GPATCH1: variants seen among roughly 807,000 people sequenced by gnomAD.
GPATCH1 encodes the protein G-patch domain containing 1.
Under a neutral mutation model 114.9 loss-of-function variants are expected in GPATCH1, and 73 were observed. That is an observed-to-expected ratio of 0.64 (90% CI 0.53 to 0.77). The LOEUF (loss-of-function observed/expected upper bound fraction) is 0.77. GPATCH1 is among the 30% of genes least tolerant of loss of function. The probability of loss-of-function intolerance (pLI) is 0.00; values close to 1 mark genes in which losing one functional copy is unlikely to be tolerated. For missense variants in GPATCH1, 1,058 were observed against 1,144.3 expected, an observed-to-expected ratio of 0.92 and a Z score of 1.09; for synonymous variants, 391 against 428.4, an observed-to-expected ratio of 0.91 and a Z score of 1.08.
chr19:33,088,159 T>G lies in GPATCH1; in HGVS notation c.99T>G (p.Pro33=). Residue 33 remains proline (P), a synonymous_variant, in exon 2 of 20, where the codon CCT becomes CCG. Transcript: ENST00000170564. ...GTGAAAGACCAAAGAAACCAATCCCTCTTCAGGATCAGACTGTCAGAGATG... is the reference window on the plus strand; with the variant it reads ...GTGAAAGACCAAAGAAACCAATCCCGCTTCAGGATCAGACTGTCAGAGATG... ...EEGERPKKPI[P]LQDQTVRDEK... 2 of 1,443,004 alleles carry G rather than the reference T, an allele frequency of 1.4e-6. No homozygotes were observed. Among genetic ancestry groups the G allele is most frequent in the South Asian group, 1.2e-5 (1 of 81,236 alleles). 89.4% of individuals were successfully genotyped at this position (1,443,004 alleles called of 1,614,324 possible).
Position 33,081,237 on chromosome 19 carries a change from A to G in GPATCH1, c.44A>G (p.Tyr15Cys), listed in dbSNP as rs756890087. 3.2e-6 allele frequency: 5 copies of G among 1,551,720 alleles called. No homozygotes were observed. The highest frequency in any genetic ancestry group is 4.4e-6 in the Non-Finnish European group (5 of 1,147,034). The change falls in exon 1 of 20, where the codon TAT (tyrosine) becomes TGT (cysteine). Residue 15 changes from tyrosine (Y) to cysteine (C), a missense_variant. Coordinates refer to ENST00000170564, the MANE Select transcript of GPATCH1 (RefSeq NM_018025.3). The part of the protein sequence containing the change: ...DSDSEEDLVS[Y>C]GTGLEPLEEG... ...GACAGCGAAGAAGATCTGGTCAGCT[A>G]TGGGACCGGGCTGGAGCCTCTGGAA...
At chr19:33,098,280 GCCAGGGGA>G (rs1972686766) in intron 8 of GPATCH1, among the ~76,000 whole-genome samples, 1 of 152,234 alleles carries the variant, frequency 6.6e-6, no homozygotes, top group South Asian at 2.1e-4. Context: ...AGAAGGTCAA[GCCAGGGGA>G]CCAGGAGGCA....
rs79228698 is a variant in GPATCH1, at chr19:33,125,921, T to C, written c.2620-667T>C. Among the ~76,000 whole-genome samples, 789 of 152,318 alleles carry C rather than the reference T, an allele frequency of 5.2e-3. 6 individuals are homozygous for C. Among genetic ancestry groups the C allele is most frequent in the African/African-American group, 0.018 (756 of 41,576 alleles). ...CAGGCATGTGCTCCCACTGTTGACG[T>C]CTCTTATTTCATCAACCATGTCTTC... On this transcript the variant is annotated intron_variant, in intron 18 of 19. Transcript: ENST00000170564.
chr19:33,125,734 T>TA (rs1413235082), intron 18 of GPATCH1, among the ~76,000 whole-genome samples: 1 of 152,182 alleles, frequency 6.6e-6, no homozygotes, highest in African/African-American at 2.4e-5. Context: ...TTAGGGATCT[T>TA]AGAGCAATGG....
chr19:33,105,949 G>A (rs182380808), intron 9 of GPATCH1, among the ~76,000 whole-genome samples: 1 of 151,866 alleles, frequency 6.6e-6, no homozygotes, highest in African/African-American at 2.4e-5. Flanking sequence ...CCGGGTTTAC[G>A]CGACTCTCCT....
chr19:33,100,142 T>C (rs1972709194), intron 8 of GPATCH1: 1 of 152,164 alleles, frequency 6.6e-6, no homozygotes, highest in Admixed American at 6.6e-5. Flanking sequence ...TTTCTGATTC[T>C]GTCTTTATGT....
In GPATCH1 at chr19:33,129,434, A is replaced by G. The variant is rs527330947; in HGVS notation, c.2766-696A>G. ...TAAAAAAATTAAAAAAAAAAAAAAG[A>G]CAACTTGGATGCTTTGGGCCCTGGA... On this transcript the variant is annotated intron_variant, in intron 19 of 19. Transcript: ENST00000170564. Among the ~76,000 whole-genome samples, 713 of 151,130 alleles carry G rather than the reference A, an allele frequency of 4.7e-3. 3 individuals carry two copies. Among genetic ancestry groups the G allele is most frequent in the African/African-American group, 0.016 (674 of 41,072 alleles).
chr19:33,082,942 T>G (rs1489750574), intron 1 of GPATCH1, among the ~76,000 whole-genome samples: 2 of 151,550 alleles, frequency 1.3e-5, no homozygotes, highest in African/African-American at 4.8e-5. Flanking sequence ...TTTTTTATTT[T>G]AAAAATAGAG....
chr19:33,126,955 AAAACAAAC>A (rs141950830), intron 19 of GPATCH1, among the ~76,000 whole-genome samples: 16 of 151,394 alleles, frequency 1.1e-4, no homozygotes, highest in Admixed American at 2.0e-4. Context: ...CAGCTCTACA[AAAACAAAC>A]AAACAAACAA....
At chr19:33,082,101 GATGAT>G in intron 1 of GPATCH1, among the ~76,000 whole-genome samples, 1 of 118,214 alleles carries the variant, frequency 8.5e-6, no homozygotes, top group Non-Finnish European at 1.8e-5. Context: ...GAGGTCAGGA[GATGAT>G]GGTGGCATGG....
chr19:33,124,235 C>G (rs1039258404), intron 17 of GPATCH1, among the ~76,000 whole-genome samples: 1 of 151,942 alleles, frequency 6.6e-6, no homozygotes, highest in Non-Finnish European at 1.5e-5. Flanking sequence ...ATTTAGTTAC[C>G]CAGAAATTAA....
chr19:33,120,207 T>C (rs1372325528), intron 17 of GPATCH1, among the ~76,000 whole-genome samples: 1 of 141,622 alleles, frequency 7.1e-6, no homozygotes, highest in African/African-American at 2.6e-5. Context: ...AATATATTCA[T>C]ATAAATATAT....
Position 33,114,239 on chromosome 19 carries a change from G to A in GPATCH1, c.2030-14G>A. 1 of 1,603,160 alleles carries A rather than the reference G, an allele frequency of 6.2e-7. No homozygotes were observed. Among genetic ancestry groups the A allele is most frequent in the Non-Finnish European group, 8.5e-7 (1 of 1,173,802 alleles). ...TGCTAATGCTGGAGTTTATATCTAT[G>A]TCCTGCCTTTCAGAATCAAGAAAAC... On this transcript the variant is annotated splice_polypyrimidine_tract_variant and intron_variant, in intron 14 of 19. Transcript: ENST00000170564.
rs780517659 is a variant in GPATCH1 at position 33,130,142 on chromosome 19, T to C, written c.2778T>C (p.Leu926=). The C allele has an allele frequency of 6.1e-5, 98 of 1,611,512 alleles. No homozygotes were observed. In the Middle Eastern group the frequency reaches 6.6e-4, roughly 11 times the overall value. Residue 926 remains leucine, a synonymous_variant, in exon 20 of 20, where the codon CTT becomes CTC. Transcript: ENST00000170564. ...TTTTCTTTTCCAGGCTGAAAAGTCT[T>C]CCACTAAGAAGGCAGTAATTGAATG... The part of the protein sequence containing the change: ...PQELLRRLKS[L]PLRRQ
In GPATCH1 at chr19:33,111,704, CTTG is replaced by C; in HGVS notation, c.1586-17_1586-15del. 6.2e-7 allele frequency: 1 copy of C among 1,611,642 alleles called. No individual in the cohort carries two copies. The highest frequency in any genetic ancestry group is 2.2e-5 in the East Asian group (1 of 44,844). On this transcript the variant is annotated splice_polypyrimidine_tract_variant and intron_variant, in intron 11 of 19. Transcript: ENST00000170564. ...GTTTTCCTGAAAAGTGAAGCTGCTT[CTTG>C]TTCTCTGCCCCCGCAGATGCTCTGG...
At chr19:33,130,058 G>A in intron 19 of GPATCH1, 72 bp from the exon 20 acceptor site, 2 of 1,145,346 alleles carry the variant, frequency 1.7e-6, no homozygotes, top group Non-Finnish European at 2.6e-6. Flanking sequence ...GGCATTCTCA[G>A]CCTCCACGGA....
Position 33,113,909 on chromosome 19 carries a change from TA to T in GPATCH1, c.2029+7del. The T allele has an allele frequency of 6.2e-7, 1 of 1,613,550 alleles. No individual in the cohort carries two copies. The highest frequency in any genetic ancestry group is 8.5e-7 in the Non-Finnish European group (1 of 1,179,664). ...ACAGCACCGAGGTCCCGACAGTGAG[TA>T]GGGCGTCCCCGGGGTCTCTGATTGA... is the stretch of plus-strand genomic sequence containing the variant. On this transcript the variant is annotated splice_region_variant and intron_variant, in intron 14 of 19. Coordinates refer to ENST00000170564, the MANE Select transcript of GPATCH1 (RefSeq NM_018025.3).
intron 19 of GPATCH1, 56 bp from the exon 20 acceptor site, chr19:33,130,074 T>C: frequency 1.5e-6 from 2 of 1,357,918 alleles, no homozygotes; most frequent in South Asian, 2.4e-5. Flanking sequence ...ACGGAGCTGT[T>C]TGGTTTTTCA....
chr19:33,125,266 G>T lies in GPATCH1; in HGVS notation c.2619+64G>T. The T allele has an allele frequency of 3.2e-6, 5 of 1,549,110 alleles. 1 individual carries two copies. The South Asian group carries it at 5.9e-5, about 18-fold the overall frequency. ...GGGACCCGCTGGTCAGCCCCCAGGA[G>T]TGTCATATACTGCAGCTGAAGAGCG... On this transcript the variant is annotated intron_variant, in intron 18 of 19. Transcript: ENST00000170564.
Sources: gnomAD v4.1 joint callset for allele counts (sites outside exome capture counted in the v4.1 genomes callset) on GRCh38, gnomAD v4.1.1 for gene constraint, MANE v1.5 for transcripts, NCBI Gene and HGNC (gene_info 2026-07-23, HGNC 2026-07-21) for gene names.